GPR161: variants seen among roughly 807,000 people sequenced by gnomAD.
GPR161 encodes the protein G-protein coupled receptor RE2.
In GPR161, 25 loss-of-function variants were observed where a neutral mutation model predicts 39.2. That is an observed-to-expected ratio of 0.64 (90% CI 0.47 to 0.89). The LOEUF (loss-of-function observed/expected upper bound fraction) is 0.89, where lower values mean the gene tolerates loss of function less well. Ranked by LOEUF, GPR161 falls within the 40% of genes least tolerant of loss-of-function variation. GPR161 has a pLI of 0.00. For synonymous variants in GPR161, 286 were observed against 276.6 expected (o/e 1.03, Z -0.34); for missense variants, 547 against 677.8 (o/e 0.81, Z 2.14).
intron 1 of GPR161, among the ~76,000 whole-genome samples, chr1:168,113,351 AC>A (rs1188521797): frequency 3.9e-5 from 6 of 152,320 alleles, no homozygotes; most frequent in Non-Finnish European, 2.9e-5. Context: ...CCTGAGAAAG[AC>A]AGCTGTCCCT....
chr1:168,102,413 C>T (rs1696188191), intron 2 of GPR161, among the ~76,000 whole-genome samples: 1 of 152,166 alleles, frequency 6.6e-6, no homozygotes, highest in Non-Finnish European at 1.5e-5. Context: ...TGCCACTCAA[C>T]TGTAAACCCC....
intron 1 of GPR161, among the ~76,000 whole-genome samples, chr1:168,113,005 C>G (rs980833361): frequency 3.6e-4 from 55 of 152,266 alleles, no homozygotes; most frequent in Admixed American, 1.8e-3. Flanking sequence ...CCAGTCTCTG[C>G]CAGGAGGTCT....
In GPR161 at chr1:168,087,657, G is replaced by A. The variant is rs772616335; in HGVS notation, c.1252C>T (p.Pro418Ser). ...TTGGGTGGGCAAGTGCAGTGAGAGGGAGGGTTGTCATCAGACGTGTAGTCC... is the reference window on the plus strand; with the variant it reads ...TTGGGTGGGCAAGTGCAGTGAGAGGAAGGGTTGTCATCAGACGTGTAGTCC... ...LEDYTSDDNP[P>S]SHCTCPPKRR... The change falls in exon 5 of 6, where the codon CCC (proline) becomes TCC (serine). Residue 418 changes from proline to serine, a missense_variant. Coordinates refer to ENST00000682931, the MANE Select transcript of GPR161 (RefSeq NM_001375883.1). The A allele has an allele frequency of 1.2e-6, 2 of 1,613,974 alleles. No individual in the cohort carries two copies. The highest frequency in any genetic ancestry group is 1.1e-5 in the South Asian group (1 of 91,060).
At chr1:168,087,819 C>T (rs1694690032) in intron 4 of GPR161, 115 bp from the exon 5 acceptor site, 9 of 1,089,542 alleles carry the variant, frequency 8.3e-6, no homozygotes, top group Non-Finnish European at 1.2e-5. Flanking sequence ...AACCCATCAT[C>T]AAGTGGAGCT....
chr1:168,136,245 A>G, intron 1 of GPR161: 1 of 1,335,860 alleles, frequency 7.5e-7, no homozygotes, highest in Non-Finnish European at 9.6e-7. Flanking sequence ...CGGCTGGGAG[A>G]AGGCTGCTCA....
chr1:168,093,386 T>C (rs1695243516), intron 3 of GPR161, among the ~76,000 whole-genome samples: 2 of 152,156 alleles, frequency 1.3e-5, no homozygotes, highest in South Asian at 2.1e-4. Context: ...CCACTGATTA[T>C]GGCTGAAATC....
chr1:168,122,715 G>A (rs1167272223), intron 1 of GPR161, among the ~76,000 whole-genome samples: 1 of 152,236 alleles, frequency 6.6e-6, no homozygotes, highest in Admixed American at 6.5e-5. Context: ...CGTATGCCCA[G>A]AATGCCCTTT....
chr1:168,088,427 A>C (rs1694750132), intron 4 of GPR161: 1 of 152,220 alleles, frequency 6.6e-6, no homozygotes, highest in Admixed American at 6.5e-5. Context: ...ATAAGGAAGA[A>C]AGAGAAACCT....
At chr1:168,111,856 G>A (rs1423642292) in intron 1 of GPR161, among the ~76,000 whole-genome samples, 1 of 151,286 alleles carries the variant, frequency 6.6e-6, no homozygotes, top group Non-Finnish European at 1.5e-5. Context: ...TTAAAAGCCT[G>A]TATCAAGACA....
intron 1 of GPR161, among the ~76,000 whole-genome samples, chr1:168,112,316 T>C (rs1341092498): frequency 1.3e-5 from 2 of 151,372 alleles, no homozygotes; most frequent in African/African-American, 2.4e-5. Context: ...TCGTCTCTAC[T>C]AAAAATACAA....
chr1:168,136,496 G>A (rs1045297090), intron 1 of GPR161: 18 of 1,260,162 alleles, frequency 1.4e-5, no homozygotes, highest in African/African-American at 6.2e-5. Flanking sequence ...GGCCGCAGGG[G>A]AGGGGCGCGC....
At chr1:168,092,922 G>C (rs758995156) in intron 3 of GPR161, among the ~76,000 whole-genome samples, 1 of 152,152 alleles carries the variant, frequency 6.6e-6, no homozygotes, top group South Asian at 2.1e-4. Flanking sequence ...GGCGTTTGGA[G>C]GGGGTGCCCC....
intron 1 of GPR161, among the ~76,000 whole-genome samples, chr1:168,112,211 T>C (rs1229649405): frequency 6.6e-6 from 1 of 152,110 alleles, no homozygotes; most frequent in Non-Finnish European, 1.5e-5. Flanking sequence ...CCAGGCATGG[T>C]GGCTCACGCC....
intron 1 of GPR161, among the ~76,000 whole-genome samples, chr1:168,120,465 G>A (rs998264358): frequency 7.2e-5 from 11 of 152,190 alleles, no homozygotes; most frequent in Non-Finnish European, 1.5e-4. Flanking sequence ...TGTCTTACGT[G>A]AGACTTTGGA....
chr1:168,097,299 C>A, intron 2 of GPR161, 67 bp from the exon 3 acceptor site: 1 of 1,512,498 alleles, frequency 6.6e-7, no homozygotes, highest in Non-Finnish European at 8.9e-7. Context: ...TGCCTTCCTG[C>A]GTCAGGGGCT....
chr1:168,137,135 C>T, upstream of GPR161: 3 of 1,251,212 alleles, frequency 2.4e-6, no homozygotes, highest in Non-Finnish European at 3.0e-6. Flanking sequence ...CACGAACAGC[C>T]TCGGCTGCTG....
At chr1:168,124,475 G>A (rs1471802530) in intron 1 of GPR161, among the ~76,000 whole-genome samples, 1 of 152,090 alleles carries the variant, frequency 6.6e-6, no homozygotes, top group African/African-American at 2.4e-5. Flanking sequence ...AATAATTTGA[G>A]GTCATTAAAT....
At chr1:168,108,512 A>AAAAAAAAAAAAAAAAAAAAG (rs1696844131) in intron 1 of GPR161, among the ~76,000 whole-genome samples, 1 of 141,070 alleles carries the variant, frequency 7.1e-6, no homozygotes, top group Non-Finnish European at 1.5e-5. Context: ...AAAAAAAAAA[A>AAAAAAAAAAAAAAAAAAAAG]CTGGAAATAA....
intron 1 of GPR161, among the ~76,000 whole-genome samples, chr1:168,135,361 A>G (rs571136865): frequency 4.2e-4 from 64 of 152,344 alleles, no homozygotes; most frequent in African/African-American, 1.4e-3. Context: ...GAAAAAGTGT[A>G]CATGAAAGTG....
Sources: allele counts gnomAD v4.1 joint callset (sites outside exome capture counted in the v4.1 genomes callset), GRCh38; gene constraint gnomAD v4.1.1; transcripts MANE v1.5; gene names NCBI Gene and HGNC (gene_info 2026-07-23, HGNC 2026-07-21).